The following CRIM1 variants were observed in gnomAD, a reference collection of about 807,000 sequenced individuals.
The protein encoded by CRIM1 is cysteine-rich motor neuron 1 protein.
In CRIM1, 32 loss-of-function variants were observed where a neutral mutation model predicts 116.4. The observed-to-expected ratio is 0.27, with a 90% CI of 0.21 to 0.37. The LOEUF is 0.37. Among genes scored for constraint, CRIM1 ranks in the 10% least tolerant of loss-of-function variants. CRIM1 has a pLI of 1.00. For missense variants in CRIM1, 1,331 were observed against 1,354.8 expected, an observed-to-expected ratio of 0.98 and a Z score of 0.28; for synonymous variants, 590 against 509.2, an observed-to-expected ratio of 1.16 and a Z score of -2.13.
chr2:36,384,975 T>C (rs1199902560), intron 1 of CRIM1, among the ~76,000 whole-genome samples: 1 of 152,168 alleles, frequency 6.6e-6, no homozygotes, highest in Admixed American at 6.5e-5. Flanking sequence ...GCCGTACATA[T>C]GAAGCACTGT....
Position 36,548,785 on chromosome 2 carries a change from TTAGTGGATTG to T in CRIM1, c.*87_*96del. On this transcript the variant is annotated 3_prime_UTR_variant, in exon 17 of 17. Transcript: ENST00000280527. The stretch of plus-strand genomic sequence containing the variant: ...AGTAAACTAGAATTTGTGCACTTGC[TTAGTGGATTG>T]TATTGGATTGTGACTTGATGTACAG... 5 of 1,171,030 alleles carry T rather than the reference TTAGTGGATTG, an allele frequency of 4.3e-6. No homozygotes were observed. Among genetic ancestry groups the T allele is most frequent in the Non-Finnish European group, 6.1e-6 (5 of 825,158 alleles). The allele number at this position is 1,171,030 out of a possible 1,614,324, so 72.5% of individuals were successfully genotyped here. A position where few individuals can be genotyped will look rare whatever the true frequency, so the allele number is the denominator to read the frequency against.
chr2:36,399,185 T>A (rs1374345879), intron 2 of CRIM1, among the ~76,000 whole-genome samples: 1 of 152,202 alleles, frequency 6.6e-6, no homozygotes, highest in African/African-American at 2.4e-5. Context: ...TCTTAAACAT[T>A]GTGCAACAAG....
chr2:36,405,841 TA>T (rs1281865047), intron 2 of CRIM1, among the ~76,000 whole-genome samples: 39 of 152,338 alleles, frequency 2.6e-4, no homozygotes, highest in African/African-American at 8.9e-4. Flanking sequence ...TTTTCTCAAG[TA>T]AATGTTAAAT....
At chr2:36,435,071 G>T (rs1675194549) in intron 2 of CRIM1, among the ~76,000 whole-genome samples, 1 of 152,072 alleles carries the variant, frequency 6.6e-6, no homozygotes, top group African/African-American at 2.4e-5. Context: ...AATTCTCAAG[G>T]TTGGTCTCCC....
At chr2:36,413,043 C>A (rs914088899) in intron 2 of CRIM1, among the ~76,000 whole-genome samples, 1 of 152,146 alleles carries the variant, frequency 6.6e-6, no homozygotes, top group African/African-American at 2.4e-5. Flanking sequence ...GTGAAATGGG[C>A]TTACGAATGA....
chr2:36,463,701 C>T (rs1186675407), intron 4 of CRIM1, among the ~76,000 whole-genome samples: 1 of 152,220 alleles, frequency 6.6e-6, no homozygotes, highest in Admixed American at 6.5e-5. Context: ...TCTTATTTCA[C>T]CTGCCCGTAT....
intron 1 of CRIM1, among the ~76,000 whole-genome samples, chr2:36,363,225 G>C (rs911153383): frequency 6.6e-6 from 1 of 150,964 alleles, no homozygotes; most frequent in African/African-American, 2.4e-5. Flanking sequence ...AAAAGAACTT[G>C]GTTTCTGGGG....
chr2:36,544,449 T>C lies in CRIM1; in HGVS notation c.2697T>C (p.Val899=). ...TNHRGEVDLE[V]PLWPTPSEND... ...ATCGAGGAGAGGTTGACCTGGAGGT[T>C]CCCCTGTGGCCCACGCCTAGTGAAA... Residue 899 remains valine (V), a synonymous_variant, in exon 15 of 17, where the codon GTT becomes GTC. Transcript: ENST00000280527. The C allele has an allele frequency of 1.4e-6, 2 of 1,424,618 alleles. No individual in the cohort carries two copies. Among genetic ancestry groups the C allele is most frequent in the South Asian group, 1.9e-5 (1 of 53,788 alleles). 88.2% of individuals were successfully genotyped at this position (1,424,618 alleles called of 1,614,324 possible). A position where few individuals can be genotyped will look rare whatever the true frequency, so the allele number is the denominator to read the frequency against.
At chr2:36,523,458 T>A (rs1032200039) in intron 13 of CRIM1, among the ~76,000 whole-genome samples, 1 of 152,198 alleles carries the variant, frequency 6.6e-6, no homozygotes, top group African/African-American at 2.4e-5. Flanking sequence ...AAACTAGTCC[T>A]ATGGACATAA....
chr2:36,513,132 G>C (rs985949364), intron 10 of CRIM1: 5 of 201,662 alleles, frequency 2.5e-5, no homozygotes, highest in African/African-American at 1.2e-4. Flanking sequence ...CAAAAATCTA[G>C]TCACTGCTTT....
chr2:36,492,814 C>T (rs1335370705), intron 7 of CRIM1, among the ~76,000 whole-genome samples: 1 of 152,104 alleles, frequency 6.6e-6, no homozygotes, highest in Non-Finnish European at 1.5e-5. Context: ...TGGATATTCA[C>T]GTTGCTTAAC....
intron 4 of CRIM1, among the ~76,000 whole-genome samples, chr2:36,452,004 C>T (rs553181904): frequency 2.6e-5 from 4 of 152,190 alleles, no homozygotes; most frequent in African/African-American, 9.6e-5. Context: ...TTTAACTATC[C>T]CTGCATATGC....
chr2:36,545,231 T>G (rs1667235691), intron 15 of CRIM1, among the ~76,000 whole-genome samples: 1 of 152,120 alleles, frequency 6.6e-6, no homozygotes, highest in South Asian at 2.1e-4. Flanking sequence ...TGAGAGAGAT[T>G]AATTGTCTGT....
chr2:36,526,851 G>GCAT (rs1665792970), intron 13 of CRIM1, among the ~76,000 whole-genome samples: 1 of 152,152 alleles, frequency 6.6e-6, no homozygotes, highest in Non-Finnish European at 1.5e-5. Context: ...CTTCATTGCT[G>GCAT]CATCATACCT....
At chr2:36,483,685 A>T (rs984570311) in intron 7 of CRIM1, among the ~76,000 whole-genome samples, 1 of 152,182 alleles carries the variant, frequency 6.6e-6, no homozygotes, top group Non-Finnish European at 1.5e-5. Flanking sequence ...TTGAATCCCT[A>T]AAACAACATG....
At chr2:36,462,969 T>C (rs1677700620) in intron 4 of CRIM1, among the ~76,000 whole-genome samples, 1 of 152,184 alleles carries the variant, frequency 6.6e-6, no homozygotes, top group African/African-American at 2.4e-5. Flanking sequence ...ATATAGCGTA[T>C]GAATTGAGAG....
At chr2:36,407,430 T>G (rs1672894289) in intron 2 of CRIM1, among the ~76,000 whole-genome samples, 2 of 152,228 alleles carry the variant, frequency 1.3e-5, no homozygotes, top group African/African-American at 4.8e-5. Context: ...AAAAATTTTT[T>G]GTTACAGATA....
chr2:36,444,060 C>T (rs80063762), intron 4 of CRIM1, among the ~76,000 whole-genome samples: 1 of 152,298 alleles, frequency 6.6e-6, no homozygotes, highest in African/African-American at 2.4e-5. Flanking sequence ...CTAACAGTAA[C>T]AGATGTCCCT....
At position 36,386,893 on chromosome 2, in the gene CRIM1, G is replaced by A. The variant is rs143265952; in HGVS notation, c.332-9721G>A. ...GCAGATGAAGAGAAGTAGCTTTCTA[G>A]GCAGAGAGAACAGCCATGAATGTCA... On this transcript the variant is annotated intron_variant, in intron 1 of 16. Transcript: ENST00000280527. Among the ~76,000 whole-genome samples, 36 of 152,298 alleles carry A rather than the reference G, an allele frequency of 2.4e-4. No homozygotes were observed. The East Asian group carries it at 6.7e-3, about 29-fold the overall frequency.
Sources: gnomAD v4.1 joint callset for allele counts (sites outside exome capture counted in the v4.1 genomes callset) on GRCh38, gnomAD v4.1.1 for gene constraint, MANE v1.5 for transcripts, NCBI Gene and HGNC (gene_info 2026-07-23, HGNC 2026-07-21) for gene names.